ABCG8: variants seen among roughly 807,000 people sequenced by gnomAD.
ABCG8 encodes ATP binding cassette subfamily G member 8.
In ABCG8, 81 loss-of-function variants were observed where a neutral mutation model predicts 71.3. The observed-to-expected ratio is 1.14, with a 90% confidence interval of 0.95 to 1.37. The LOEUF is 1.37. ABCG8 is among the 40% of genes most tolerant of loss of function. The probability of loss-of-function intolerance (pLI) is 0.00; values close to 1 mark genes in which losing one functional copy is unlikely to be tolerated. For synonymous variants in ABCG8, 451 were observed against 354.7 expected (o/e 1.27, Z -3.05); for missense variants, 1,119 against 866.2 (o/e 1.29, Z -3.66).
At position 43,852,347 on chromosome 2, in the gene ABCG8, C is replaced by A. The variant is rs1010371331; in HGVS notation, c.562-7C>A. ...GAGGTGGCCTCAAAGCTCCTTCTGG[C>A]CCACAGGTGGAGGACGTGATCGCGG... On this transcript the variant is annotated splice_polypyrimidine_tract_variant and splice_region_variant and intron_variant, in intron 4 of 12. Transcript: ENST00000272286. 24 of 1,612,020 alleles carry A rather than the reference C, an allele frequency of 1.5e-5. No individual in the cohort carries two copies. The highest frequency in any genetic ancestry group is 2.0e-5 in the Non-Finnish European group (24 of 1,179,988).
At chr2:43,841,677 C>G (rs945329808) in intron 1 of ABCG8, among the ~76,000 whole-genome samples, 2 of 152,106 alleles carry the variant, frequency 1.3e-5, no homozygotes, top group African/African-American at 4.8e-5. Context: ...TGGGGTGAGC[C>G]TTGGAACAAG....
chr2:43,846,622 G>A (rs1479228630), intron 3 of ABCG8: 1 of 389,462 alleles, frequency 2.6e-6, no homozygotes, highest in Non-Finnish European at 4.9e-6. Flanking sequence ...AGCATGTAAT[G>A]TTCTTTTCAG....
At position 43,875,360 on chromosome 2, in the gene ABCG8, A is replaced by G. The variant is rs1467158220; in HGVS notation, c.1703A>G (p.Asn568Ser). ...TCCTTCTTCAGCAATGCCCTCTACA[A>G]CTCCTTCTACCTCGCCGGGGGCTTC... ...MASFFSNALY[N>S]SFYLAGGFMI... Residue 568 changes from asparagine (N) to serine (S), a missense_variant, in exon 11 of 13, where the codon AAC (asparagine) becomes AGC (serine). Coordinates refer to ENST00000272286, the MANE Select transcript of ABCG8 (RefSeq NM_022437.3). 1.9e-6 allele frequency: 3 copies of G among 1,613,568 alleles called. No homozygotes were observed. Among genetic ancestry groups the G allele is most frequent in the Non-Finnish European group, 2.5e-6 (3 of 1,179,902 alleles).
intron 6 of ABCG8, among the ~76,000 whole-genome samples, chr2:43,865,172 C>T (rs966433574): frequency 6.6e-6 from 1 of 151,644 alleles, no homozygotes; most frequent in African/African-American, 2.4e-5. Context: ...ATGTAGAATT[C>T]TCAACATCTG....
At chr2:43,876,116 G>A (rs1352904948) in intron 11 of ABCG8, among the ~76,000 whole-genome samples, 8 of 152,104 alleles carry the variant, frequency 5.3e-5, no homozygotes, top group South Asian at 2.1e-4. Flanking sequence ...GTGTGGGGCC[G>A]CTGAGTCTCC....
rs200809556 is a variant in ABCG8 at position 43,852,755 on chromosome 2, T to C, written c.851T>C (p.Leu284Pro). Residue 284 changes from leucine to proline, a missense_variant, in exon 6 of 13, where the codon CTC (leucine) becomes CCC (proline). Leu to Pro is a moderately conservative substitution (Grantham distance 98). Coordinates refer to ENST00000272286, the MANE Select transcript of ABCG8 (RefSeq NM_022437.3). ...SDIFRLFDLV[L>P]LMTSGTPIYL... ...ATCTTCAGGCTGTTTGATCTGGTCC[T>C]CCTGATGACGTCTGGCACCCCCATC... 2 of 1,614,146 alleles carry C rather than the reference T, an allele frequency of 1.2e-6. No individual in the cohort carries two copies. Among genetic ancestry groups the C allele is most frequent in the East Asian group, 2.2e-5 (1 of 44,868 alleles).
intron 8 of ABCG8, among the ~76,000 whole-genome samples, chr2:43,872,659 C>T (rs888209370): frequency 5.9e-5 from 9 of 152,088 alleles, no homozygotes; most frequent in African/African-American, 2.2e-4. Flanking sequence ...TGCAGTGAGC[C>T]GTGATTGCAC....
Position 43,881,725 on chromosome 2 carries a change from A to C in ABCG8, c.*3812A>C, listed in dbSNP as rs1572875267. 1 of 151,294 alleles carries C rather than the reference A, an allele frequency of 6.6e-6. No individual in the cohort carries two copies. The highest frequency in any genetic ancestry group is 2.4e-5 in the African/African-American group (1 of 41,182). 9.4% of individuals were successfully genotyped at this position (151,294 alleles called of 1,614,324 possible). Reference sequence around the variant, plus strand: ...TCTGTCTCAAAAAAAAAAAAAAAAAACCCAAGGCTCTCGAGGCATGCATGC... The same window carrying C: ...TCTGTCTCAAAAAAAAAAAAAAAAACCCCAAGGCTCTCGAGGCATGCATGC... On this transcript the variant is annotated 3_prime_UTR_variant, in exon 13 of 13. Coordinates refer to ENST00000272286, the MANE Select transcript of ABCG8 (RefSeq NM_022437.3).
intron 6 of ABCG8, among the ~76,000 whole-genome samples, chr2:43,857,838 A>T (rs1669166460): frequency 6.6e-6 from 1 of 151,532 alleles, no homozygotes; most frequent in Non-Finnish European, 1.5e-5. Flanking sequence ...AATTTTCACC[A>T]TCCATGAACA....
rs146790206 is a variant in ABCG8, at chr2:43,865,923, A to G, written c.965-6053A>G. 8.7e-3 allele frequency among the ~76,000 whole-genome samples: 1,317 copies of G among 152,134 alleles called. 23 individuals are homozygous for G. The highest frequency in any genetic ancestry group is 0.03 in the African/African-American group (1,247 of 41,532). On this transcript the variant is annotated intron_variant, in intron 6 of 12. Coordinates refer to ENST00000272286, the MANE Select transcript of ABCG8 (RefSeq NM_022437.3). ...TCACTCTGTGGATAGAACTCTGACT[A>G]TCTATCTGGATAGAATTCTCACCCT...
rs376492876 is a variant in ABCG8 at position 43,873,908 on chromosome 2, T to C, written c.1333T>C (p.Phe445Leu). ...YFGHGSIQLS[F>L]MDTAALLFMI... is the part of the protein sequence containing the mutation. ...TGGCCATGGGAGCATCCAGCTCTCC[T>C]TCATGGATACAGCCGCCCTCTTGTT... is the stretch of plus-strand genomic sequence containing the variant. The change falls in exon 9 of 13, where the codon TTC (phenylalanine) becomes CTC (leucine). Residue 445 changes from phenylalanine (F) to leucine (L), a missense_variant. Coordinates refer to ENST00000272286, the MANE Select transcript of ABCG8 (RefSeq NM_022437.3). 14 of 1,614,188 alleles carry C rather than the reference T, an allele frequency of 8.7e-6. No homozygotes were observed. The highest frequency in any genetic ancestry group is 1.3e-5 in the African/African-American group (1 of 75,032).
At chr2:43,858,663 T>C (rs530921780) in intron 6 of ABCG8, among the ~76,000 whole-genome samples, 1 of 149,226 alleles carries the variant, frequency 6.7e-6, no homozygotes, top group African/African-American at 2.5e-5. Flanking sequence ...TTTCACTACC[T>C]GTCTGGATAG....
At chr2:43,867,306 C>A (rs1669564261) in intron 6 of ABCG8, among the ~76,000 whole-genome samples, 1 of 151,460 alleles carries the variant, frequency 6.6e-6, no homozygotes, top group African/African-American at 2.4e-5. Context: ...TGTAACTAAC[C>A]TGCACATTGT....
At chr2:43,851,265 C>T (rs1668904545) in intron 3 of ABCG8, among the ~76,000 whole-genome samples, 2 of 152,214 alleles carry the variant, frequency 1.3e-5, no homozygotes, top group South Asian at 2.1e-4. Flanking sequence ...ATGCTCCAGG[C>T]ACCAGCTGGC....
chr2:43,874,932 A>G (rs143997799), intron 10 of ABCG8, among the ~76,000 whole-genome samples: 1 of 152,178 alleles, frequency 6.6e-6, no homozygotes, highest in African/African-American at 2.4e-5. Flanking sequence ...CCTGGGGGAA[A>G]CAGGCTGAAC....
At position 43,872,161 on chromosome 2, in the gene ABCG8, G is replaced by T. The variant is rs996066077; in HGVS notation, c.1127+23G>T. 1.9e-6 allele frequency: 3 copies of T among 1,613,984 alleles called. No individual in the cohort carries two copies. The African/African-American group carries it at 4.0e-5, about 22-fold the overall frequency. On this transcript the variant is annotated intron_variant, in intron 7 of 12. Coordinates refer to ENST00000272286, the MANE Select transcript of ABCG8 (RefSeq NM_022437.3). ...AAGGTAAGGTGGCAGGCGACTCTGA[G>T]AGGAGAGCTCCCTGCAGAAGGTGGC...
intron 6 of ABCG8, among the ~76,000 whole-genome samples, chr2:43,862,120 C>A (rs1186169666): frequency 1.3e-5 from 2 of 150,402 alleles, no homozygotes; most frequent in African/African-American, 4.9e-5. Context: ...GGATAGAACT[C>A]TTACTACCTG....
At chr2:43,868,941 C>G (rs1379644297) in intron 6 of ABCG8, among the ~76,000 whole-genome samples, 1 of 152,070 alleles carries the variant, frequency 6.6e-6, no homozygotes, top group Non-Finnish European at 1.5e-5. Context: ...CTGTCACTAT[C>G]TGGATAGAAT....
chr2:43,872,170 T>C (rs1669800383), intron 7 of ABCG8, 32 bp downstream of exon 7: 15 of 1,613,952 alleles, frequency 9.3e-6, no homozygotes, highest in Non-Finnish European at 1.2e-5. Flanking sequence ...AGAGGAGAGC[T>C]CCCTGCAGAA....
Sources: allele counts gnomAD v4.1 joint callset (sites outside exome capture counted in the v4.1 genomes callset), GRCh38; gene constraint gnomAD v4.1.1; transcripts MANE v1.5; gene names NCBI Gene and HGNC (gene_info 2026-07-23, HGNC 2026-07-21).